The following GSTA5 variants were observed in gnomAD, a reference collection of about 807,000 sequenced individuals.
The protein encoded by GSTA5 is glutathione S-transferase A5.
In GSTA5, 25 loss-of-function variants were observed where a neutral mutation model predicts 21.8. The ratio of observed to expected loss-of-function variants is 1.14; its 90% CI spans 0.83 to 1.60. The LOEUF (loss-of-function observed/expected upper bound fraction) is 1.60. Ranked by LOEUF, GSTA5 falls within the 40% of genes most tolerant of loss-of-function variation. The probability of loss-of-function intolerance (pLI) is 0.00; values close to 1 mark genes in which losing one functional copy is unlikely to be tolerated. For missense variants in GSTA5, 330 were observed against 259.2 expected, an observed-to-expected ratio of 1.27 and a Z score of -1.88; for synonymous variants, 102 against 89.5, an observed-to-expected ratio of 1.14 and a Z score of -0.78.
chr6:52,835,998 C>CA (rs1491291753), intron 3 of GSTA5, among the ~76,000 whole-genome samples: 1 of 152,168 alleles, frequency 6.6e-6, no homozygotes, highest in African/African-American at 2.4e-5. Flanking sequence ...CTGGAAACCT[C>CA]AGTCAGGTTG....
intron 5 of GSTA5, 113 bp downstream of exon 5, chr6:52,832,746 C>T (rs767455074): frequency 1.4e-5 from 21 of 1,526,736 alleles, no homozygotes; most frequent in Non-Finnish European, 1.8e-5. Context: ...ACCTTGGGGG[C>T]ACTGAAGGGC....
chr6:52,834,364 G>A, intron 3 of GSTA5, 82 bp from the exon 4 acceptor site: 2 of 1,404,410 alleles, frequency 1.4e-6, no homozygotes, highest in South Asian at 2.7e-5. Context: ...AAAATAGAGG[G>A]TCAGATGGTG....
chr6:52,832,316 A>G (rs1389143015), intron 5 of GSTA5, among the ~76,000 whole-genome samples: 1 of 152,212 alleles, frequency 6.6e-6, no homozygotes, highest in Admixed American at 6.5e-5. Flanking sequence ...AAGTAAAACT[A>G]TGGGGAAATG....
At chr6:52,842,406 CT>C (rs3063633), upstream of GSTA5, among the ~76,000 whole-genome samples, 38 of 128,778 alleles carry the variant, frequency 3.0e-4, no homozygotes, top group African/African-American at 8.4e-4. Flanking sequence ...TAATGTATTT[CT>C]TTTTTTTTTT....
At chr6:52,840,988 A>G (rs1462124245), upstream of GSTA5, 2 of 606,852 alleles carry the variant, frequency 3.3e-6, no homozygotes, top group Admixed American at 6.6e-5. Context: ...TCTTGGCTCA[A>G]ATTGTTACCC....
At chr6:52,837,597 A>T in exon 2 of GSTA5, 1 of 1,608,224 alleles carries the variant, frequency 6.2e-7, no homozygotes, top group Non-Finnish European at 8.5e-7. Context: ...GATTCTAGAA[A>T]TTTCTCTTCC....
At chr6:52,834,118 A>G (rs1399139415) in intron 4 of GSTA5, 23 bp downstream of exon 4, 4 of 1,613,806 alleles carry the variant, frequency 2.5e-6, no homozygotes, top group African/African-American at 2.7e-5. Context: ...CAGTTCCCCT[A>G]AACATTGAAC....
At chr6:52,834,020 T>A in intron 4 of GSTA5, 121 bp downstream of exon 4, 1 of 1,049,374 alleles carries the variant, frequency 9.5e-7, no homozygotes, top group Non-Finnish European at 1.5e-6. Flanking sequence ...GTCAGAGTGC[T>A]GCCTTGGTGT....
At chr6:52,835,930 T>C (rs1312901831) in intron 3 of GSTA5, among the ~76,000 whole-genome samples, 1 of 152,176 alleles carries the variant, frequency 6.6e-6, no homozygotes, top group Admixed American at 6.5e-5. Flanking sequence ...GCCTCTGAAG[T>C]TCTGAGTACC....
In GSTA5 at chr6:52,837,484, T is replaced by A. The variant is rs1308385490; in HGVS notation, c.139+74A>T. 3.2e-6 allele frequency: 3 copies of A among 951,398 alleles called. No homozygotes were observed. In the African/African-American group the frequency reaches 4.9e-5, roughly 15 times the overall value. The allele number at this position is 951,398 out of a possible 1,614,324, so 58.9% of individuals were successfully genotyped here. On this transcript the variant is annotated intron_variant, in intron 2 of 5. Transcript: ENST00000370989. ...ATATCACCCCCCACACACATAGGTATTCCTGGCTGCTCAACGTTCCTCTGT... is the reference window on the plus strand; with the variant it reads ...ATATCACCCCCCACACACATAGGTAATCCTGGCTGCTCAACGTTCCTCTGT...
At chr6:52,837,633 GTTC>G (rs751241000) in intron 1 of GSTA5, 24 bp from the exon 2 acceptor site, 3 of 1,534,018 alleles carry the variant, frequency 2.0e-6, no homozygotes, top group South Asian at 2.3e-5. Flanking sequence ...CAGTAAATGG[GTTC>G]TTCTTAGTTA....
intron 2 of GSTA5, among the ~76,000 whole-genome samples, chr6:52,837,125 A>C (rs1000551504): frequency 3.3e-5 from 5 of 152,182 alleles, no homozygotes; most frequent in Admixed American, 3.3e-4. Context: ...CAAAGCCTGC[A>C]ATAGTGCCAC....
chr6:52,839,667 T>C (rs1328670761), intron 1 of GSTA5, among the ~76,000 whole-genome samples: 1 of 152,174 alleles, frequency 6.6e-6, no homozygotes, highest in Non-Finnish European at 1.5e-5. Context: ...TCTCCTGAGT[T>C]TGTCCATGAC....
chr6:52,832,939 C>T (rs1169825444), exon 5 of GSTA5: 2 of 1,614,128 alleles, frequency 1.2e-6, no homozygotes, highest in Non-Finnish European at 8.5e-7. Flanking sequence ...TGAATGTCAG[C>T]CCAGCTCAGC....
At chr6:52,838,423 G>A (rs1211022139) in intron 1 of GSTA5, among the ~76,000 whole-genome samples, 3 of 152,244 alleles carry the variant, frequency 2.0e-5, no homozygotes, top group Non-Finnish European at 2.9e-5. Flanking sequence ...ACTTAGAAAA[G>A]TAGCAGGTGT....
chr6:52,836,466 G>T, intron 2 of GSTA5, 98 bp from the exon 3 acceptor site: 2 of 1,267,882 alleles, frequency 1.6e-6, no homozygotes, highest in Non-Finnish European at 1.1e-6. Flanking sequence ...TTTGTGAAAT[G>T]AAAAAGAAAT....
intron 1 of GSTA5, among the ~76,000 whole-genome samples, chr6:52,838,216 T>C (rs1174081006): frequency 1.3e-5 from 2 of 152,238 alleles, no homozygotes. Context: ...CACACTAACA[T>C]TATTTTTCAT....
upstream of GSTA5, among the ~76,000 whole-genome samples, chr6:52,842,607 G>A (rs966460964): frequency 2.8e-4 from 43 of 151,952 alleles, no homozygotes; most frequent in African/African-American, 9.9e-4. Context: ...GCTTCAGCAT[G>A]TTGGCCAGGC....
At chr6:52,837,934 T>C (rs1466413272) in intron 1 of GSTA5, among the ~76,000 whole-genome samples, 1 of 152,226 alleles carries the variant, frequency 6.6e-6, no homozygotes, top group Non-Finnish European at 1.5e-5. Flanking sequence ...TGTTGTCATA[T>C]CTTAGTAAAG....
Sources: allele counts gnomAD v4.1 joint callset (sites outside exome capture counted in the v4.1 genomes callset), GRCh38; gene constraint gnomAD v4.1.1; transcripts MANE v1.5; gene names NCBI Gene and HGNC (gene_info 2026-07-23, HGNC 2026-07-21).